PAK5: variants seen among roughly 807,000 people sequenced by gnomAD.
PAK5 encodes p21 (RAC1) activated kinase 5, also known as serine/threonine-protein kinase PAK 5.
Under a neutral mutation model 65.9 loss-of-function variants are expected in PAK5, and 16 were observed. That is an observed-to-expected ratio of 0.24 (90% confidence interval 0.16 to 0.37). The LOEUF is 0.37. PAK5 is among the 10% of genes least tolerant of loss of function. The probability of loss-of-function intolerance (pLI) is 1.00; values close to 1 mark genes in which losing one functional copy is unlikely to be tolerated. For missense variants in PAK5, 785 were observed against 903.9 expected (o/e 0.87, Z 1.69); for synonymous variants, 371 against 354.9 (o/e 1.05, Z -0.51).
chr20:9,598,851 C>G (rs914469925), intron 3 of PAK5, among the ~76,000 whole-genome samples: 7 of 152,082 alleles, frequency 4.6e-5, no homozygotes, highest in African/African-American at 1.7e-4. Flanking sequence ...TTGTTTTAAA[C>G]TCTTTTTATA....
chr20:9,831,765 C>T (rs373529415), intron 1 of PAK5, among the ~76,000 whole-genome samples: 2 of 152,300 alleles, frequency 1.3e-5, no homozygotes, highest in South Asian at 2.1e-4. Context: ...ACCTCGAGTT[C>T]CCAAAGTGGT....
At chr20:9,828,080 C>T (rs1412600473) in intron 1 of PAK5, among the ~76,000 whole-genome samples, 1 of 152,046 alleles carries the variant, frequency 6.6e-6, no homozygotes, top group Non-Finnish European at 1.5e-5. Context: ...GGTAATCCAC[C>T]CACCTCGGCC....
chr20:9,640,661 G>T (rs2047044779), intron 3 of PAK5, among the ~76,000 whole-genome samples: 2 of 152,162 alleles, frequency 1.3e-5, no homozygotes, highest in South Asian at 4.1e-4. Flanking sequence ...TGGCACGTCT[G>T]GAGTCTGTCT....
chr20:9,763,584 C>T (rs751285131), intron 1 of PAK5, among the ~76,000 whole-genome samples: 5 of 152,002 alleles, frequency 3.3e-5, no homozygotes, highest in Non-Finnish European at 4.4e-5. Flanking sequence ...ATGACTAAAC[C>T]GTGCAGATTA....
intron 4 of PAK5, among the ~76,000 whole-genome samples, chr20:9,572,952 AC>A (rs2045817322): frequency 6.6e-6 from 1 of 152,150 alleles, no homozygotes; most frequent in Non-Finnish European, 1.5e-5. Context: ...GCAAATTATC[AC>A]CCAGGCTGCT....
chr20:9,705,533 C>T (rs537045323), intron 2 of PAK5, among the ~76,000 whole-genome samples: 1 of 152,018 alleles, frequency 6.6e-6, no homozygotes, highest in African/African-American at 2.4e-5. Flanking sequence ...TAAAATCGAT[C>T]ATATGTGTAT....
rs57705525 is a variant in PAK5, at chr20:9,802,910, GTATATATATATA to G, written c.-162+35840_-162+35851del. Among the ~76,000 whole-genome samples, 14 of 46,378 alleles carry G rather than the reference GTATATATATATA, an allele frequency of 3.0e-4. No individual in the cohort carries two copies. In the East Asian group the frequency reaches 4.3e-3, roughly 14 times the overall value. 30.4% of individuals were successfully genotyped at this position (46,378 alleles called of 152,430 possible). On this transcript the variant is annotated intron_variant, in intron 1 of 9. Coordinates refer to ENST00000353224, the MANE Select transcript of PAK5 (RefSeq NM_177990.4). ...CTTCTGTACTATTGTATATGTATGT[GTATATATATATA>G]TATATATATATGAATTACTAATAGC... is the stretch of plus-strand genomic sequence containing the variant.
intron 2 of PAK5, among the ~76,000 whole-genome samples, chr20:9,664,596 C>T (rs73240990): frequency 0.017 from 2,534 of 152,222 alleles, 66 homozygotes; most frequent in African/African-American, 0.056. Context: ...AACATCATTT[C>T]GTTTTTATAA....
At chr20:9,833,356 C>A (rs1978878101) in intron 1 of PAK5, among the ~76,000 whole-genome samples, 1 of 152,130 alleles carries the variant, frequency 6.6e-6, no homozygotes, top group Admixed American at 6.5e-5. Flanking sequence ...TGATTGTAGC[C>A]AATGATCAAA....
chr20:9,802,930 A>ATATATATATG (rs2049188498), intron 1 of PAK5, among the ~76,000 whole-genome samples: 1 of 137,784 alleles, frequency 7.3e-6, no homozygotes, highest in African/African-American at 2.7e-5. Context: ...ATATATATAT[A>ATATATATATG]TATGAATTAC....
chr20:9,641,163 G>C (rs6140989), intron 3 of PAK5, among the ~76,000 whole-genome samples: 47,676 of 151,414 alleles, frequency 0.31, 7,637 homozygotes, highest in East Asian at 0.42. Context: ...TCGACACACA[G>C]GTTCTCCAAG....
At position 9,562,886 on chromosome 20, in the gene PAK5, C is replaced by A. The variant is rs371113775; in HGVS notation, c.1616+5G>T. ...TCGAATTCTCTGGATAATAAAGAAG[C>A]CTACCTGGTGTGAGTCACAATGTCT... On this transcript the variant is annotated splice_donor_5th_base_variant and intron_variant, in intron 6 of 9. Transcript: ENST00000353224. 19 of 1,611,370 alleles carry A rather than the reference C, an allele frequency of 1.2e-5. No homozygotes were observed. In the South Asian group the frequency reaches 1.7e-4, roughly 14 times the overall value.
chr20:9,734,186 T>G (rs6087002), intron 1 of PAK5, among the ~76,000 whole-genome samples: 41,550 of 152,086 alleles, frequency 0.27, 5,989 homozygotes, highest in South Asian at 0.45. Context: ...CTCAAAGTTT[T>G]TGACAGCTTT....
chr20:9,651,413 G>A (rs1373051918), intron 2 of PAK5, among the ~76,000 whole-genome samples: 4 of 152,178 alleles, frequency 2.6e-5, no homozygotes, highest in Non-Finnish European at 1.5e-5. Flanking sequence ...GACACGCAGA[G>A]GTAGAGGAGC....
chr20:9,614,907 A>AT (rs1455754925), intron 3 of PAK5, among the ~76,000 whole-genome samples: 4 of 152,248 alleles, frequency 2.6e-5, no homozygotes, highest in Non-Finnish European at 4.4e-5. Flanking sequence ...CAGAGAAGAA[A>AT]TAAGTGAAGG....
chr20:9,820,685 T>C (rs1328426595), intron 1 of PAK5, among the ~76,000 whole-genome samples: 17 of 152,148 alleles, frequency 1.1e-4, no homozygotes, highest in Admixed American at 3.3e-4. Flanking sequence ...ACACACATAA[T>C]TAAGAAGCAA....
chr20:9,810,443 C>G (rs749828397), intron 1 of PAK5, among the ~76,000 whole-genome samples: 1 of 151,904 alleles, frequency 6.6e-6, no homozygotes, highest in African/African-American at 2.4e-5. Flanking sequence ...GAAGTGTGCA[C>G]CTGACGTGGG....
rs199725500 is a variant in PAK5 at position 9,694,322 on chromosome 20, G to T, written c.-12+16964C>A. On this transcript the variant is annotated intron_variant, in intron 2 of 9. Coordinates refer to ENST00000353224, the MANE Select transcript of PAK5 (RefSeq NM_177990.4). ...TGTGTGTTTGTGTGTGTGTGTGTTT[G>T]TGTGTGTGTGTGTGTGTGTGTGTAT... 0.028 allele frequency among the ~76,000 whole-genome samples: 25 copies of T among 892 alleles called. No homozygotes were observed. The South Asian group carries it at 0.31, about 11-fold the overall frequency. The allele number at this position is 892 out of a possible 152,430, so 0.6% of individuals were successfully genotyped here.
At chr20:9,609,140 C>T (rs1329890296) in intron 3 of PAK5, among the ~76,000 whole-genome samples, 1 of 53,676 alleles carries the variant, frequency 1.9e-5, no homozygotes, top group African/African-American at 4.5e-5. Flanking sequence ...CCACATGATG[C>T]TGGGTGGGAA....
Sources: allele counts gnomAD v4.1 joint callset (sites outside exome capture counted in the v4.1 genomes callset), GRCh38; gene constraint gnomAD v4.1.1; transcripts MANE v1.5; gene names NCBI Gene and HGNC (gene_info 2026-07-23, HGNC 2026-07-21).